Variants in OLA1 observed in about 807,000 individuals in gnomAD.
The protein encoded by OLA1 is Obg like ATPase 1.
OLA1 carries 14 observed loss-of-function variants against 48.4 expected under a neutral mutation model. The ratio of observed to expected loss-of-function variants is 0.29; its 90% CI spans 0.19 to 0.45. The LOEUF (loss-of-function observed/expected upper bound fraction) is 0.45. Ranked by LOEUF, OLA1 falls within the 20% of genes least tolerant of loss-of-function variation. OLA1 has a pLI of 1.00. For missense variants in OLA1, 325 were observed against 467.1 expected, an observed-to-expected ratio of 0.70 and a Z score of 2.80; for synonymous variants, 127 against 150.4, an observed-to-expected ratio of 0.84 and a Z score of 1.14.
chr2:174,222,924 G>T, intron 4 of OLA1, 109 bp downstream of exon 4: 3 of 1,165,920 alleles, frequency 2.6e-6, no homozygotes, highest in Non-Finnish European at 3.6e-6. Context: ...GATTCATCTG[G>T]TAAAGCAAAG....
Position 174,207,290 on chromosome 2 carries a change from C to A in OLA1, c.373+15743G>T, listed in dbSNP as rs1253006164. 2.6e-5 allele frequency among the ~76,000 whole-genome samples: 4 copies of A among 152,268 alleles called. No homozygotes were observed. The East Asian group carries it at 7.7e-4, about 29-fold the overall frequency. Reference sequence around the variant, plus strand: ...TCACCTCTTTTTAACCAAACACCCACAACAAAACTAAAGTAGCTCTCTGGA... The same window carrying A: ...TCACCTCTTTTTAACCAAACACCCAAAACAAAACTAAAGTAGCTCTCTGGA... On this transcript the variant is annotated intron_variant, in intron 4 of 10. Transcript: ENST00000284719.
chr2:174,171,895 C>A lies in OLA1; in HGVS notation c.374-29895G>T, dbSNP rs189409157. ...CTGGGGAGACCCAGCAGACGCCGCGCCCCCGCCCTCAGCGCTGCCAACAGC... is the reference window on the plus strand; with the variant it reads ...CTGGGGAGACCCAGCAGACGCCGCGACCCCGCCCTCAGCGCTGCCAACAGC... On this transcript the variant is annotated intron_variant, in intron 4 of 10. Transcript: ENST00000284719. The A allele has an allele frequency of 7.6e-3, 1,154 of 152,764 alleles. 30 individuals are homozygous for A. Among genetic ancestry groups the A allele is most frequent in the Admixed American group, 0.046 (705 of 15,316 alleles). 9.5% of individuals were successfully genotyped at this position (152,764 alleles called of 1,614,324 possible).
rs1689153960 is a variant in OLA1 at position 174,247,580 on chromosome 2, C to A, written c.1-765G>T. 2.0e-6 allele frequency: 3 copies of A among 1,522,084 alleles called. No individual in the cohort carries two copies. The South Asian group carries it at 3.7e-5, about 19-fold the overall frequency. The allele number at this position is 1,522,084 out of a possible 1,614,324, so 94.3% of individuals were successfully genotyped here. On this transcript the variant is annotated intron_variant, in intron 1 of 10. Coordinates refer to ENST00000284719, the MANE Select transcript of OLA1 (RefSeq NM_013341.5). ...TGTGGAACCACCAGCAGCCAAGTCA[C>A]CCTTCACACCAAACCATTCCTCTAT...
intron 1 of OLA1, 59 bp from the exon 2 acceptor site, chr2:174,246,874 C>A: frequency 2.3e-6 from 2 of 864,572 alleles, no homozygotes; most frequent in South Asian, 1.5e-5. Flanking sequence ...GGACCCAAAA[C>A]ACATTTCATC....
chr2:174,114,501 G>T (rs1359196613), intron 7 of OLA1, among the ~76,000 whole-genome samples: 1 of 151,962 alleles, frequency 6.6e-6, no homozygotes, highest in Non-Finnish European at 1.5e-5. Flanking sequence ...TACGTTCCTG[G>T]GGAAAAATCT....
chr2:174,160,814 G>A (rs1235541293), intron 4 of OLA1, among the ~76,000 whole-genome samples: 2 of 152,186 alleles, frequency 1.3e-5, no homozygotes, highest in Admixed American at 6.6e-5. Context: ...TGGTGATGGT[G>A]TGAAGTATAG....
chr2:174,191,303 A>T (rs1687771918), intron 4 of OLA1, among the ~76,000 whole-genome samples: 2 of 147,972 alleles, frequency 1.4e-5, no homozygotes, highest in African/African-American at 5.3e-5. Context: ...CTGACAAGAC[A>T]GAACAGCTTC....
chr2:174,105,917 G>A (rs961037802), intron 7 of OLA1, among the ~76,000 whole-genome samples: 8 of 151,894 alleles, frequency 5.3e-5, no homozygotes, highest in Non-Finnish European at 8.8e-5. Context: ...TTCCGTAAAC[G>A]GCAACAATTA....
At chr2:174,078,406 T>C (rs1349266323) in intron 10 of OLA1, among the ~76,000 whole-genome samples, 1 of 151,956 alleles carries the variant, frequency 6.6e-6, no homozygotes, top group East Asian at 1.9e-4. Flanking sequence ...TACTCATGTA[T>C]AAAACTGCTT....
At chr2:174,106,845 G>T (rs1323951836) in intron 7 of OLA1, among the ~76,000 whole-genome samples, 1 of 152,092 alleles carries the variant, frequency 6.6e-6, no homozygotes, top group East Asian at 1.9e-4. Flanking sequence ...ATGTTCTAAT[G>T]CATCTTATTG....
intron 5 of OLA1, among the ~76,000 whole-genome samples, chr2:174,130,438 A>T (rs1439870331): frequency 6.6e-6 from 1 of 152,214 alleles, no homozygotes; most frequent in African/African-American, 2.4e-5. Flanking sequence ...TGCCAATTGT[A>T]GGCTTTCAGT....
At chr2:174,105,020 T>C (rs1685484246) in intron 7 of OLA1, among the ~76,000 whole-genome samples, 1 of 151,984 alleles carries the variant, frequency 6.6e-6, no homozygotes, top group South Asian at 2.1e-4. Flanking sequence ...GCAAATCTAC[T>C]GGAAATTTTT....
chr2:174,188,615 G>T (rs1460643522), intron 4 of OLA1, among the ~76,000 whole-genome samples: 1 of 152,100 alleles, frequency 6.6e-6, no homozygotes, highest in Non-Finnish European at 1.5e-5. Context: ...GAAAATGGCT[G>T]CTTATCAGCA....
At chr2:174,097,554 G>C (rs1385361562) in intron 7 of OLA1, among the ~76,000 whole-genome samples, 1 of 151,898 alleles carries the variant, frequency 6.6e-6, no homozygotes, top group African/African-American at 2.4e-5. Context: ...TGTAATCCTA[G>C]CACTTTGGGA....
At chr2:174,228,921 A>C (rs1370680437) in intron 3 of OLA1, among the ~76,000 whole-genome samples, 1 of 152,176 alleles carries the variant, frequency 6.6e-6, no homozygotes, top group Non-Finnish European at 1.5e-5. Flanking sequence ...TCTGTTGCCC[A>C]GGCTGAAGTG....
In OLA1 at chr2:174,182,714, C is replaced by T. The variant is rs1308860057; in HGVS notation, c.373+40319G>A. Reference sequence around the variant, plus strand: ...TTTGTTTCTCCCAAATAAAAAAACCCACTGTTTTCATCCCTCAATTCACCA... The same window carrying T: ...TTTGTTTCTCCCAAATAAAAAAACCTACTGTTTTCATCCCTCAATTCACCA... On this transcript the variant is annotated intron_variant, in intron 4 of 10. Transcript: ENST00000284719. Among the ~76,000 whole-genome samples, 175 of 152,058 alleles carry T rather than the reference C, an allele frequency of 1.2e-3. 2 individuals are homozygous for T. The highest frequency in any genetic ancestry group is 1.6e-4 in the Non-Finnish European group (11 of 68,022).
intron 4 of OLA1, among the ~76,000 whole-genome samples, chr2:174,174,800 C>T (rs1184515661): frequency 6.6e-6 from 1 of 151,630 alleles, no homozygotes; most frequent in Non-Finnish European, 1.5e-5. Context: ...TGCAAAGGAA[C>T]TAGAAAAGCT....
intron 7 of OLA1, among the ~76,000 whole-genome samples, chr2:174,094,123 A>C (rs771127140): frequency 2.0e-5 from 3 of 152,236 alleles, no homozygotes; most frequent in Non-Finnish European, 2.9e-5. Context: ...TAAGGAAGAA[A>C]CACTACCTTA....
chr2:174,248,046 G>A lies in OLA1; in HGVS notation c.-1+406C>T. The A allele has an allele frequency of 9.7e-6, 3 of 309,722 alleles. No individual in the cohort carries two copies. In the South Asian group the frequency reaches 1.5e-4, roughly 16 times the overall value. 19.2% of individuals were successfully genotyped at this position (309,722 alleles called of 1,614,324 possible). ...TCTGATCCCTGACCCCGAGGGCCAG[G>A]AATTTCCCTTCTCAGCGTCCTGACA... On this transcript the variant is annotated intron_variant, in intron 1 of 10. Transcript: ENST00000284719.
Sources: gnomAD v4.1 joint callset for allele counts (sites outside exome capture counted in the v4.1 genomes callset) on GRCh38, gnomAD v4.1.1 for gene constraint, MANE v1.5 for transcripts, NCBI Gene and HGNC (gene_info 2026-07-23, HGNC 2026-07-21) for gene names.